The following PARP15 variants were observed in gnomAD, a reference collection of about 807,000 sequenced individuals.
The protein encoded by PARP15 is protein mono-ADP-ribosyltransferase PARP15.
A neutral mutation model predicts 62.1 loss-of-function variants in PARP15; 50 were observed. The observed-to-expected ratio is 0.81, with a 90% confidence interval of 0.64 to 1.02. PARP15 has a LOEUF of 1.02. Ranked by LOEUF, PARP15 falls within the 50% of genes least tolerant of loss-of-function variation. PARP15 has a pLI of 0.00. For synonymous variants in PARP15, 309 were observed against 293.1 expected, an observed-to-expected ratio of 1.05 and a Z score of -0.55; for missense variants, 820 against 826.5, an observed-to-expected ratio of 0.99 and a Z score of 0.10.
chr3:122,579,283 C>A (rs1468325966), intron 1 of PARP15, among the ~76,000 whole-genome samples: 1 of 152,094 alleles, frequency 6.6e-6, no homozygotes, highest in Non-Finnish European at 1.5e-5. Flanking sequence ...ATGAGGTTTA[C>A]TCATTCGCTA....
chr3:122,577,793 G>A lies in PARP15; in HGVS notation c.126G>A (p.Val42=). 1.9e-6 allele frequency: 3 copies of A among 1,551,362 alleles called. No homozygotes were observed. Among genetic ancestry groups the A allele is most frequent in the Non-Finnish European group, 2.6e-6 (3 of 1,146,836 alleles). ...RAGRDREAGS[V]LPAGNRGARK... is the part of the protein sequence containing the mutation. Reference sequence around the variant, plus strand: ...GACGAGATCGGGAGGCGGGGAGCGTGCTGCCGGCCGGGAACCGTGGGGCGC... The same window carrying A: ...GACGAGATCGGGAGGCGGGGAGCGTACTGCCGGCCGGGAACCGTGGGGCGC... Residue 42 remains valine (V), a synonymous_variant, in exon 1 of 12, where the codon GTG becomes GTA. Coordinates refer to ENST00000464300, the MANE Select transcript of PARP15 (RefSeq NM_001113523.3).
intron 7 of PARP15, 160 bp from the exon 8 acceptor site, chr3:122,621,284 A>T (rs1297576922): frequency 1.5e-6 from 1 of 684,540 alleles, no homozygotes; most frequent in African/African-American, 1.8e-5. Context: ...ATTGTAAAGA[A>T]AATGTGGTTG....
intron 2 of PARP15, 149 bp from the exon 3 acceptor site, chr3:122,610,345 G>A: frequency 1.5e-6 from 1 of 683,580 alleles, no homozygotes; most frequent in Non-Finnish European, 2.4e-6. Context: ...GCTAACAATA[G>A]ACTGTAAGCT....
chr3:122,596,144 A>G (rs13071070), intron 1 of PARP15, among the ~76,000 whole-genome samples: 12,781 of 151,804 alleles, frequency 0.084, 547 homozygotes, highest in Non-Finnish European at 0.1. Flanking sequence ...GGATCACAAG[A>G]TCAGGAGATC....
chr3:122,633,758 C>T (rs1937191520), intron 10 of PARP15, among the ~76,000 whole-genome samples: 1 of 152,188 alleles, frequency 6.6e-6, no homozygotes, highest in Admixed American at 6.5e-5. Flanking sequence ...GGAACCAATC[C>T]TCCATGGATA....
At chr3:122,604,844 G>A (rs996009240) in intron 1 of PARP15, among the ~76,000 whole-genome samples, 2 of 151,626 alleles carry the variant, frequency 1.3e-5, no homozygotes, top group African/African-American at 4.8e-5. Flanking sequence ...CTGGGTGACA[G>A]GGCAAGACTC....
intron 4 of PARP15, 146 bp from the exon 5 acceptor site, chr3:122,615,633 A>G: frequency 2.7e-6 from 4 of 1,509,322 alleles, no homozygotes; most frequent in Non-Finnish European, 2.7e-6. Flanking sequence ...TTGAACCGCA[A>G]TCCTTTAAGA....
At chr3:122,613,341 A>G in intron 4 of PARP15, 73 bp downstream of exon 4, 1 of 1,279,130 alleles carries the variant, frequency 7.8e-7, no homozygotes. Context: ...TTATAGATCT[A>G]GGAATAACCG....
chr3:122,577,898 G>A (rs1412853887), intron 1 of PARP15, 45 bp downstream of exon 1: 5 of 1,482,560 alleles, frequency 3.4e-6, no homozygotes, highest in Non-Finnish European at 3.6e-6. Context: ...CAGCAGGGCT[G>A]AGCCTGGGGC....
chr3:122,593,231 C>T (rs951199717), intron 1 of PARP15, among the ~76,000 whole-genome samples: 12 of 152,192 alleles, frequency 7.9e-5, no homozygotes, highest in Admixed American at 3.9e-4. Context: ...CTTCACCCCC[C>T]GGGTTCAAGC....
In PARP15 at chr3:122,589,263, G is replaced by T. The variant is rs1189044342; in HGVS notation, c.186+11410G>T. Among the ~76,000 whole-genome samples the T allele has an allele frequency of 2.0e-5, 3 of 152,194 alleles. No individual in the cohort carries two copies. The East Asian group carries it at 5.8e-4, about 29-fold the overall frequency. On this transcript the variant is annotated intron_variant, in intron 1 of 11. Coordinates refer to ENST00000464300, the MANE Select transcript of PARP15 (RefSeq NM_001113523.3). ...ATCTTCTTATATTAATCCCATCATG[G>T]GGTCCACCCTCATGACCTCATCTAA... is the stretch of plus-strand genomic sequence containing the variant.
intron 7 of PARP15, among the ~76,000 whole-genome samples, chr3:122,620,558 T>C (rs1206125643): frequency 6.6e-6 from 1 of 152,186 alleles, no homozygotes; most frequent in Non-Finnish European, 1.5e-5. Flanking sequence ...GAAATTTCTC[T>C]GGAGTGAATA....
chr3:122,579,978 G>C (rs1297400535), intron 1 of PARP15, among the ~76,000 whole-genome samples: 1 of 120,576 alleles, frequency 8.3e-6, no homozygotes, highest in Non-Finnish European at 1.7e-5. Context: ...GACTCTGTCT[G>C]AACAACAACA....
In PARP15 at chr3:122,627,082, T is replaced by C. The variant is rs1053857668; in HGVS notation, c.1438+49T>C. 4 of 1,449,452 alleles carry C rather than the reference T, an allele frequency of 2.8e-6. No individual in the cohort carries two copies. The African/African-American group carries it at 5.7e-5, about 21-fold the overall frequency. The allele number at this position is 1,449,452 out of a possible 1,614,324, so 89.8% of individuals were successfully genotyped here. A position where few individuals can be genotyped will look rare whatever the true frequency, so the allele number is the denominator to read the frequency against. On this transcript the variant is annotated intron_variant, in intron 9 of 11. Coordinates refer to ENST00000464300, the MANE Select transcript of PARP15 (RefSeq NM_001113523.3). ...TCACCCTGCTGGCTCTGATAATCAC[T>C]TAGAAAATGTTTAAGTGTGAATGTA...
chr3:122,621,571 G>A lies in PARP15; in HGVS notation c.1191G>A (p.Gln397=). The A allele has an allele frequency of 6.2e-7, 1 of 1,609,622 alleles. No homozygotes were observed. Among genetic ancestry groups the A allele is most frequent in the Non-Finnish European group, 8.5e-7 (1 of 1,178,724 alleles). Residue 397 remains glutamine, a synonymous_variant, in exon 8 of 12, where the codon CAG becomes CAA. Transcript: ENST00000464300. The part of the protein sequence containing the change: ...TVTSVLEECE[Q]RKYTSVSLPA... Reference sequence around the variant, plus strand: ...CCAGTGTTCTAGAAGAGTGTGAACAGAGGAAGTACACATCGGTTTCCCTTC... The same window carrying A: ...CCAGTGTTCTAGAAGAGTGTGAACAAAGGAAGTACACATCGGTTTCCCTTC...
chr3:122,608,100 G>A (rs1159369242), intron 2 of PARP15, among the ~76,000 whole-genome samples: 2 of 151,688 alleles, frequency 1.3e-5, no homozygotes, highest in Non-Finnish European at 1.5e-5. Flanking sequence ...CCATCGTCTG[G>A]CCCTAAATCT....
intron 1 of PARP15, among the ~76,000 whole-genome samples, chr3:122,579,849 C>T (rs954805360): frequency 1.3e-5 from 2 of 151,026 alleles, no homozygotes; most frequent in African/African-American, 4.9e-5. Flanking sequence ...CATGGTGGCA[C>T]ACACCTGTAG....
chr3:122,621,710 TG>T (rs1936361824), intron 8 of PARP15, 99 bp downstream of exon 8: 2 of 1,124,320 alleles, frequency 1.8e-6, no homozygotes, highest in African/African-American at 1.6e-5. Context: ...CATCTGAAAG[TG>T]GGAACAATGA....
At chr3:122,628,962 T>C (rs1005566692) in intron 9 of PARP15, among the ~76,000 whole-genome samples, 3 of 152,236 alleles carry the variant, frequency 2.0e-5, no homozygotes, top group Non-Finnish European at 4.4e-5. Flanking sequence ...ACACAATTAC[T>C]TTTCAAATGT....
Sources: gnomAD v4.1 joint callset for allele counts (sites outside exome capture counted in the v4.1 genomes callset) on GRCh38, gnomAD v4.1.1 for gene constraint, MANE v1.5 for transcripts, NCBI Gene and HGNC (gene_info 2026-07-23, HGNC 2026-07-21) for gene names.